AK9: variants seen among roughly 807,000 people sequenced by gnomAD.
The protein encoded by AK9 is adenylate kinase 9.
A neutral mutation model predicts 239.6 loss-of-function variants in AK9; 191 were observed. The observed-to-expected ratio is 0.80, with a 90% CI of 0.71 to 0.90. The LOEUF is 0.90. AK9 is among the 40% of genes least tolerant of loss of function. The probability of loss-of-function intolerance (pLI) is 0.00; values close to 1 mark genes in which losing one functional copy is unlikely to be tolerated. For synonymous variants in AK9, 689 were observed against 721.0 expected, an observed-to-expected ratio of 0.96 and a Z score of 0.71; for missense variants, 1,995 against 2,214.7, an observed-to-expected ratio of 0.90 and a Z score of 1.99.
At chr6:109,609,516 C>A (rs1358724046) in intron 17 of AK9, among the ~76,000 whole-genome samples, 1 of 152,108 alleles carries the variant, frequency 6.6e-6, no homozygotes, top group African/African-American at 2.4e-5. Flanking sequence ...TTCTGAAGGA[C>A]TAAACGGATG....
intron 5 of AK9, among the ~76,000 whole-genome samples, chr6:109,669,283 T>A (rs1801722304): frequency 1.3e-5 from 2 of 152,240 alleles, no homozygotes; most frequent in Admixed American, 6.5e-5. Context: ...TTGAGGAGAT[T>A]TTGGGCTGAG....
intron 24 of AK9, among the ~76,000 whole-genome samples, chr6:109,561,848 T>C (rs543605125): frequency 6.6e-6 from 1 of 152,306 alleles, no homozygotes; most frequent in East Asian, 1.9e-4. Flanking sequence ...TTGGGCATAT[T>C]GAATCTGAGA....
chr6:109,595,499 G>C (rs1790899047), intron 17 of AK9, among the ~76,000 whole-genome samples: 1 of 152,092 alleles, frequency 6.6e-6, no homozygotes, highest in Non-Finnish European at 1.5e-5. Context: ...TCCCATTACT[G>C]GGTATATACC....
chr6:109,585,040 A>G, intron 19 of AK9, 83 bp downstream of exon 19: 1 of 829,352 alleles, frequency 1.2e-6, no homozygotes, highest in Non-Finnish European at 1.5e-6. Flanking sequence ...TATTAAATAT[A>G]TTCTATAAGT....
intron 12 of AK9, among the ~76,000 whole-genome samples, chr6:109,622,847 A>C (rs1160474569): frequency 6.6e-6 from 1 of 152,010 alleles, no homozygotes; most frequent in Non-Finnish European, 1.5e-5. Flanking sequence ...TTGGCAGTTC[A>C]AAGGATATGC....
intron 3 of AK9, among the ~76,000 whole-genome samples, chr6:109,673,220 AGTGTGTGT>A (rs970046071): frequency 1.3e-5 from 2 of 151,484 alleles, no homozygotes; most frequent in African/African-American, 2.4e-5. Context: ...TGTGTGTGTG[AGTGTGTGT>A]GTGTTATGTA....
intron 1 of AK9, among the ~76,000 whole-genome samples, chr6:109,689,086 G>C (rs985755952): frequency 2.0e-5 from 3 of 152,204 alleles, no homozygotes. Flanking sequence ...AGAAGTGTTG[G>C]CCAAGAGTAA....
intron 17 of AK9, among the ~76,000 whole-genome samples, chr6:109,592,547 C>T (rs183212462): frequency 1.3e-4 from 19 of 149,348 alleles, no homozygotes; most frequent in East Asian, 6.1e-4. Flanking sequence ...CCCAGGTTCA[C>T]GCCATTCTCC....
chr6:109,568,442 G>C (rs1159876962), intron 21 of AK9, among the ~76,000 whole-genome samples: 1 of 152,108 alleles, frequency 6.6e-6, no homozygotes, highest in Non-Finnish European at 1.5e-5. Context: ...AATCAGGCAA[G>C]ATAAAGAAAT....
chr6:109,502,216 A>C (rs530698260), intron 35 of AK9, among the ~76,000 whole-genome samples: 2 of 152,322 alleles, frequency 1.3e-5, no homozygotes, highest in Non-Finnish European at 2.9e-5. Context: ...TGTCACTTCC[A>C]AGATTAGTTT....
At chr6:109,508,319 T>A (rs898594137) in intron 33 of AK9, among the ~76,000 whole-genome samples, 1 of 152,178 alleles carries the variant, frequency 6.6e-6, no homozygotes, top group Non-Finnish European at 1.5e-5. Context: ...TCAGGGTGAA[T>A]GAGCAGTCAT....
At chr6:109,514,527 T>C (rs1689235208) in intron 31 of AK9, 90 bp from the exon 32 acceptor site, 2 of 1,142,248 alleles carry the variant, frequency 1.8e-6, no homozygotes, top group South Asian at 1.7e-5. Context: ...ATTCGTGACA[T>C]AAGAAAAAAA....
At chr6:109,514,463 G>T in intron 31 of AK9, 26 bp from the exon 32 acceptor site, 2 of 1,486,272 alleles carry the variant, frequency 1.3e-6, no homozygotes, top group South Asian at 2.7e-5. Context: ...AGTTGAATTT[G>T]AAAGTTAGTT....
chr6:109,648,615 A>G (rs985351039), intron 8 of AK9, among the ~76,000 whole-genome samples: 3 of 152,230 alleles, frequency 2.0e-5, no homozygotes, highest in Admixed American at 6.5e-5. Flanking sequence ...TACCAAACAA[A>G]AAGAGTCCAG....
At chr6:109,506,100 C>T (rs973202051) in intron 35 of AK9, among the ~76,000 whole-genome samples, 1 of 152,134 alleles carries the variant, frequency 6.6e-6, no homozygotes, top group South Asian at 2.1e-4. Context: ...TACTATTACA[C>T]TGGGGATTCG....
At chr6:109,646,308 G>A (rs777502889) in intron 8 of AK9, among the ~76,000 whole-genome samples, 4 of 152,158 alleles carry the variant, frequency 2.6e-5, no homozygotes, top group Non-Finnish European at 5.9e-5. Context: ...AGCTAAAGGA[G>A]GATGTTTGAA....
chr6:109,673,972 A>G (rs6919332), intron 3 of AK9, among the ~76,000 whole-genome samples: 136 of 149,148 alleles, frequency 9.1e-4, no homozygotes, highest in African/African-American at 2.9e-3. Context: ...TGTCTCTACA[A>G]AAAAAAAAAA....
chr6:109,540,749 C>T (rs565009724), intron 27 of AK9, among the ~76,000 whole-genome samples: 4 of 152,244 alleles, frequency 2.6e-5, no homozygotes, highest in East Asian at 1.9e-4. Context: ...TTAGAGGTGC[C>T]TTCAGTCTGG....
intron 29 of AK9, among the ~76,000 whole-genome samples, chr6:109,520,186 T>C (rs916822028): frequency 3.3e-5 from 5 of 152,144 alleles, no homozygotes; most frequent in African/African-American, 1.2e-4. Flanking sequence ...CATAATTATT[T>C]CCCAAAGCCA....
Sources: allele counts gnomAD v4.1 joint callset (sites outside exome capture counted in the v4.1 genomes callset), GRCh38; gene constraint gnomAD v4.1.1; transcripts MANE v1.5; gene names NCBI Gene and HGNC (gene_info 2026-07-23, HGNC 2026-07-21).